The following DNAH14 variants were observed in gnomAD, a reference collection of about 807,000 sequenced individuals.
DNAH14 encodes the protein dynein axonemal heavy chain 14.
Under a neutral mutation model 520.9 loss-of-function variants are expected in DNAH14, and 478 were observed. That is an observed-to-expected ratio of 0.92 (90% confidence interval 0.85 to 0.99). DNAH14 has a LOEUF of 0.99. Among genes scored for constraint, DNAH14 ranks in the 50% least tolerant of loss-of-function variants. The probability of loss-of-function intolerance (pLI) is 0.00; values close to 1 mark genes in which losing one functional copy is unlikely to be tolerated. For synonymous variants in DNAH14, 1,581 were observed against 1,757.2 expected (o/e 0.90, Z 2.51); for missense variants, 4,831 against 5,234.5 (o/e 0.92, Z 2.38).
rs56045354 is a variant in DNAH14 at position 225,290,647 on chromosome 1, GTATATATATATATATATATATA to G, written c.8469+591_8469+612del. ...TATAGATATATGTGTGTGTGTGTGT[GTATATATATATATATATATATA>G]TATATATATATATATATATATATAT... On this transcript the variant is annotated intron_variant, in intron 55 of 85. Coordinates refer to ENST00000682510, the MANE Select transcript of DNAH14 (RefSeq NM_001367479.1). Among the ~76,000 whole-genome samples, 26 of 57,578 alleles carry G rather than the reference GTATATATATATATATATATATA, an allele frequency of 4.5e-4. 1 individual carries two copies. The highest frequency in any genetic ancestry group is 1.4e-3 in the Admixed American group (6 of 4,348). 37.8% of individuals were successfully genotyped at this position (57,578 alleles called of 152,430 possible).
chr1:224,997,783 A>G (rs569371771), intron 8 of DNAH14, among the ~76,000 whole-genome samples: 1 of 151,930 alleles, frequency 6.6e-6, no homozygotes, highest in South Asian at 2.1e-4. Flanking sequence ...TTTAAGTTTT[A>G]GGGTACTATG....
At chr1:225,213,712 T>C (rs961929753) in intron 41 of DNAH14, among the ~76,000 whole-genome samples, 7 of 152,204 alleles carry the variant, frequency 4.6e-5, no homozygotes, top group African/African-American at 1.7e-4. Flanking sequence ...TCTGTTTGTC[T>C]GTTACTGGGG....
intron 47 of DNAH14, among the ~76,000 whole-genome samples, chr1:225,264,544 A>G (rs2093047434): frequency 6.6e-6 from 1 of 152,148 alleles, no homozygotes; most frequent in African/African-American, 2.4e-5. Flanking sequence ...AGAAGTAACT[A>G]AAGGCAATAT....
chr1:225,013,998 G>A (rs868695063), intron 10 of DNAH14, among the ~76,000 whole-genome samples: 1 of 152,006 alleles, frequency 6.6e-6, no homozygotes, highest in Non-Finnish European at 1.5e-5. Context: ...GTGCCACTGG[G>A]GTATGAAAAA....
chr1:225,324,067 C>T (rs1392440327), intron 62 of DNAH14, among the ~76,000 whole-genome samples, 155 bp from the exon 63 acceptor site: 4 of 152,060 alleles, frequency 2.6e-5, no homozygotes, highest in Non-Finnish European at 5.9e-5. Context: ...CCACCCACCT[C>T]GACCTCCCAA....
intron 21 of DNAH14, among the ~76,000 whole-genome samples, chr1:225,088,302 A>G (rs1204192776): frequency 2.6e-5 from 4 of 152,208 alleles, no homozygotes; most frequent in Non-Finnish European, 5.9e-5. Flanking sequence ...CCATATGTTA[A>G]AAAGTTAAGT....
At chr1:225,241,276 G>A (rs1409483786) in intron 43 of DNAH14, among the ~76,000 whole-genome samples, 1 of 151,968 alleles carries the variant, frequency 6.6e-6, no homozygotes, top group African/African-American at 2.4e-5. Context: ...CTATTACTTT[G>A]AAACAGTAAA....
chr1:225,198,353 G>A (rs1477325623), intron 38 of DNAH14, among the ~76,000 whole-genome samples: 1 of 151,976 alleles, frequency 6.6e-6, no homozygotes. Context: ...AAGTAGCTGG[G>A]ACTAAGGCAC....
intron 36 of DNAH14, among the ~76,000 whole-genome samples, chr1:225,175,100 C>T (rs974042427): frequency 6.6e-6 from 1 of 152,146 alleles, no homozygotes; most frequent in Non-Finnish European, 1.5e-5. Context: ...AGAATTTTTG[C>T]ATCTATGTTC....
At chr1:225,217,851 G>C (rs117043472) in intron 41 of DNAH14, among the ~76,000 whole-genome samples, 1 of 152,054 alleles carries the variant, frequency 6.6e-6, no homozygotes, top group African/African-American at 2.4e-5. Context: ...TGGGCTTCCC[G>C]GGTGAGGCAA....
chr1:224,978,656 T>C, intron 8 of DNAH14, among the ~76,000 whole-genome samples: 1 of 152,240 alleles, frequency 6.6e-6, no homozygotes, highest in Non-Finnish European at 1.5e-5. Flanking sequence ...TTTCCTTTTT[T>C]TAGAGACAGA....
chr1:225,331,692 T>C, intron 65 of DNAH14, 115 bp downstream of exon 65: 2 of 1,371,140 alleles, frequency 1.5e-6, no homozygotes, highest in South Asian at 2.8e-5. Context: ...TATCTAACTA[T>C]CCAGTTTCTT....
chr1:225,373,681 A>C (rs943194173), intron 77 of DNAH14, among the ~76,000 whole-genome samples: 11 of 152,192 alleles, frequency 7.2e-5, no homozygotes, highest in Non-Finnish European at 1.3e-4. Flanking sequence ...TCTGACGGCT[A>C]AAGTCGGGAG....
At chr1:224,933,319 T>C in intron 1 of DNAH14, among the ~76,000 whole-genome samples, 1 of 152,090 alleles carries the variant, frequency 6.6e-6, no homozygotes, top group East Asian at 1.9e-4. Context: ...AATCTAAGAA[T>C]TGTTTGGTGG....
chr1:225,244,756 C>T (rs920410107), intron 43 of DNAH14, among the ~76,000 whole-genome samples: 8 of 152,052 alleles, frequency 5.3e-5, no homozygotes, highest in Admixed American at 3.3e-4. Context: ...CTTTATTAGT[C>T]TGGCTAGTGG....
intron 49 of DNAH14, among the ~76,000 whole-genome samples, chr1:225,270,257 G>A (rs1307117495): frequency 1.3e-5 from 2 of 149,516 alleles, no homozygotes; most frequent in Non-Finnish European, 1.5e-5. Context: ...TCACTCATAG[G>A]TGGGAACTGA....
At chr1:224,945,432 G>A (rs141543488) in intron 1 of DNAH14, among the ~76,000 whole-genome samples, 206 of 152,102 alleles carry the variant, frequency 1.4e-3, no homozygotes, top group Admixed American at 3.5e-3. Context: ...TTTGCCATGG[G>A]TTTGAACTTG....
intron 22 of DNAH14, among the ~76,000 whole-genome samples, chr1:225,097,659 A>T (rs1278825037): frequency 6.6e-6 from 1 of 152,000 alleles, no homozygotes; most frequent in Admixed American, 6.6e-5. Context: ...CTGCAATCCC[A>T]GCTACTCGGG....
At chr1:224,971,603 G>T (rs766701667) in intron 7 of DNAH14, among the ~76,000 whole-genome samples, 1 of 152,182 alleles carries the variant, frequency 6.6e-6, no homozygotes, top group Non-Finnish European at 1.5e-5. Context: ...AACTAGAGAC[G>T]TCTGTGTGCA....
Sources: allele counts gnomAD v4.1 joint callset (sites outside exome capture counted in the v4.1 genomes callset), GRCh38; gene constraint gnomAD v4.1.1; transcripts MANE v1.5; gene names NCBI Gene and HGNC (gene_info 2026-07-23, HGNC 2026-07-21).